STRIP2: variants seen among roughly 807,000 people sequenced by gnomAD.
STRIP2 encodes the protein striatin interacting protein 2.
STRIP2 carries 84 observed loss-of-function variants against 107.1 expected under a neutral mutation model. That is an observed-to-expected ratio of 0.78 (90% CI 0.66 to 0.94). The LOEUF (loss-of-function observed/expected upper bound fraction) is 0.94. Ranked by LOEUF, STRIP2 falls within the 40% of genes least tolerant of loss-of-function variation. STRIP2 has a pLI of 0.00. For missense variants in STRIP2, 888 were observed against 1,034.2 expected (o/e 0.86, Z 1.94); for synonymous variants, 394 against 400.4 (o/e 0.98, Z 0.19).
chr7:129,467,796 G>A (rs1164886389), intron 17 of STRIP2, among the ~76,000 whole-genome samples: 1 of 152,068 alleles, frequency 6.6e-6, no homozygotes. Flanking sequence ...TAAATCATAA[G>A]TTGGAGCAAT....
intron 16 of STRIP2, 141 bp downstream of exon 16, chr7:129,464,879 C>A (rs1753917438): frequency 1.8e-6 from 2 of 1,098,074 alleles, no homozygotes; most frequent in Non-Finnish European, 1.3e-6. Context: ...ATCCAGCCAC[C>A]CATTGCATGA....
chr7:129,469,001 T>C (rs1478189700), intron 17 of STRIP2, among the ~76,000 whole-genome samples: 1 of 152,196 alleles, frequency 6.6e-6, no homozygotes, highest in Non-Finnish European at 1.5e-5. Context: ...GTGAAATACG[T>C]CTATATGAGC....
rs772928723 is a variant in STRIP2, at chr7:129,485,657, G to A, written c.2333G>A (p.Arg778His). The change falls in exon 21 of 21, where the codon CGC becomes CAC. Residue 778 changes from arginine to histidine, a missense_variant. Coordinates refer to ENST00000249344, the MANE Select transcript of STRIP2 (RefSeq NM_020704.3). ...AACATTGAGGCTTTTAACAGCCGTC[G>A]CTATGACAGACCCCAGGACTCTGAG... ...RANIEAFNSR[R>H]YDRPQDSEFS... 5.6e-6 allele frequency: 9 copies of A among 1,613,982 alleles called. No homozygotes were observed. The highest frequency in any genetic ancestry group is 4.5e-5 in the East Asian group (2 of 44,860).
At chr7:129,463,161 A>C in intron 14 of STRIP2, 121 bp downstream of exon 14, 1 of 763,678 alleles carries the variant, frequency 1.3e-6, no homozygotes, top group Non-Finnish European at 2.1e-6. Context: ...CCCCTTTGGC[A>C]AGGCATTCTC....
At chr7:129,485,153 T>A (rs1375762733) in intron 20 of STRIP2, among the ~76,000 whole-genome samples, 2 of 152,140 alleles carry the variant, frequency 1.3e-5, no homozygotes, top group African/African-American at 4.8e-5. Context: ...GATGGGACAC[T>A]CATCCCCTAA....
At chr7:129,456,113 T>TG (rs34295794) in intron 8 of STRIP2, among the ~76,000 whole-genome samples, 1 of 150,032 alleles carries the variant, frequency 6.7e-6, no homozygotes, top group Non-Finnish European at 1.5e-5. Flanking sequence ...AGCACCTGGA[T>TG]GGTGTTCCTT....
intron 19 of STRIP2, among the ~76,000 whole-genome samples, chr7:129,481,904 A>G (rs911307831): frequency 3.9e-5 from 6 of 152,102 alleles, no homozygotes; most frequent in Non-Finnish European, 7.4e-5. Context: ...GTGGTGGCCC[A>G]CACCTGTAAT....
intron 1 of STRIP2, among the ~76,000 whole-genome samples, chr7:129,435,514 G>A (rs1797711755): frequency 6.6e-6 from 1 of 152,102 alleles, no homozygotes; most frequent in South Asian, 2.1e-4. Context: ...GGCATAGTTG[G>A]TGGTCAAGAA....
intron 3 of STRIP2, 29 bp downstream of exon 3, chr7:129,444,127 C>T (rs752246350): frequency 5.8e-6 from 9 of 1,541,494 alleles, no homozygotes; most frequent in Non-Finnish European, 8.0e-6. Context: ...TCATAGAGAC[C>T]TGCTTTTTCC....
Position 129,458,682 on chromosome 7 carries a change from C to T in STRIP2, c.1275-30C>T. On this transcript the variant is annotated intron_variant, in intron 10 of 20. Coordinates refer to ENST00000249344, the MANE Select transcript of STRIP2 (RefSeq NM_020704.3). The surrounding 1 kb of genome is among the most constrained non-coding windows in gnomAD (Gnocchi z 4.6). Reference sequence around the variant, plus strand: ...TCAAAGTTTGCTTTTCTTCCCTTCTCTGGGATTGGTCTTTCCACCATCCTC... The same window carrying T: ...TCAAAGTTTGCTTTTCTTCCCTTCTTTGGGATTGGTCTTTCCACCATCCTC... 2 of 1,613,436 alleles carry T rather than the reference C, an allele frequency of 1.2e-6. No individual in the cohort carries two copies. Among genetic ancestry groups the T allele is most frequent in the Admixed American group, 3.3e-5 (2 of 60,028 alleles).
chr7:129,467,887 G>A (rs1363580161), intron 17 of STRIP2, among the ~76,000 whole-genome samples: 1 of 151,944 alleles, frequency 6.6e-6, no homozygotes, highest in Non-Finnish European at 1.5e-5. Context: ...ATTTACTGAG[G>A]TACATCAATT....
In STRIP2 at chr7:129,470,865, G is replaced by C. The variant is rs548783413; in HGVS notation, c.1944+150G>C. On this transcript the variant is annotated intron_variant, in intron 18 of 20. Coordinates refer to ENST00000249344, the MANE Select transcript of STRIP2 (RefSeq NM_020704.3). ...TTGGCAAGAGCAGAGATGCAGCAGG[G>C]GTTTAGAGTTGCTGACCCAGTTGAG... is the stretch of plus-strand genomic sequence containing the variant. The C allele has an allele frequency of 3.5e-4, 236 of 669,092 alleles. No homozygotes were observed. The African/African-American group carries it at 3.9e-3, about 11-fold the overall frequency. 41.4% of individuals were successfully genotyped at this position (669,092 alleles called of 1,614,324 possible). A position where few individuals can be genotyped will look rare whatever the true frequency, so the allele number is the denominator to read the frequency against.
At chr7:129,472,810 A>T (rs969849952) in intron 18 of STRIP2, among the ~76,000 whole-genome samples, 2 of 93,460 alleles carry the variant, frequency 2.1e-5, no homozygotes, top group Admixed American at 1.7e-4. Context: ...TTTTTGAGAC[A>T]GAGTCTTGTG....
In STRIP2 at chr7:129,434,703, C is replaced by G. The variant is rs1431375050; in HGVS notation, c.129+102C>G. 5.3e-6 allele frequency: 7 copies of G among 1,320,054 alleles called. No individual in the cohort carries two copies. The African/African-American group carries it at 7.8e-5, about 15-fold the overall frequency. 81.8% of individuals were successfully genotyped at this position (1,320,054 alleles called of 1,614,324 possible). ...TCGGCCCCGGAGCCCTCGGCGCGCT[C>G]GATCAGCCCCGCGCAGTGGGCGCCT... On this transcript the variant is annotated intron_variant, in intron 1 of 20. Coordinates refer to ENST00000249344, the MANE Select transcript of STRIP2 (RefSeq NM_020704.3).
intron 2 of STRIP2, 25 bp downstream of exon 2, chr7:129,440,116 T>A (rs754685257): frequency 1.3e-5 from 21 of 1,604,592 alleles, no homozygotes; most frequent in Non-Finnish European, 1.8e-5. Flanking sequence ...GGTCAGTAGC[T>A]AGTGGAAGAA....
At chr7:129,478,648 A>G (rs1019574534) in intron 18 of STRIP2, among the ~76,000 whole-genome samples, 7 of 152,360 alleles carry the variant, frequency 4.6e-5, no homozygotes, top group Admixed American at 4.6e-4. Context: ...GTTCTTTTCA[A>G]CTGGAGAAAG....
intron 18 of STRIP2, among the ~76,000 whole-genome samples, chr7:129,472,464 T>C (rs1798810002): frequency 6.6e-6 from 1 of 152,210 alleles, no homozygotes; most frequent in Non-Finnish European, 1.5e-5. Flanking sequence ...TATTTATTCT[T>C]CCTGAAAAAT....
intron 11 of STRIP2, among the ~76,000 whole-genome samples, chr7:129,459,031 T>A (rs1798449999): frequency 6.6e-6 from 1 of 152,246 alleles, no homozygotes; most frequent in Non-Finnish European, 1.5e-5. Flanking sequence ...CATTTCTCTT[T>A]CGGGCTTAAT....
rs1214960510 is a variant in STRIP2 at position 129,458,518 on chromosome 7, A to G, written c.1274+68A>G. On this transcript the variant is annotated intron_variant, in intron 10 of 20. Transcript: ENST00000249344. This position sits in a 1 kb window ranked among gnomAD's most constrained non-coding sequence, Gnocchi z 4.6. ...AGTCTCCAAAGGCCCAAGATGGGGTAGTCTATGTATTCAAGGCTCGTTAAG... is the reference window on the plus strand; with the variant it reads ...AGTCTCCAAAGGCCCAAGATGGGGTGGTCTATGTATTCAAGGCTCGTTAAG... 7.3e-7 allele frequency: 1 copy of G among 1,370,614 alleles called. No individual in the cohort carries two copies. The highest frequency in any genetic ancestry group is 9.9e-7 in the Non-Finnish European group (1 of 1,010,958). 84.9% of individuals were successfully genotyped at this position (1,370,614 alleles called of 1,614,324 possible).
Sources: gnomAD v4.1 joint callset for allele counts (sites outside exome capture counted in the v4.1 genomes callset) on GRCh38, gnomAD v4.1.1 for gene constraint, Gnocchi (gnomAD v3.1) non-coding constraint, MANE v1.5 for transcripts, NCBI Gene and HGNC (gene_info 2026-07-23, HGNC 2026-07-21) for gene names.